The following HDGFL3 variants were observed in gnomAD, a reference collection of about 807,000 sequenced individuals.
HDGFL3 encodes hepatoma-derived growth factor-related protein 3.
In HDGFL3, 6 loss-of-function variants were observed where a neutral mutation model predicts 27.6. The ratio of observed to expected loss-of-function variants is 0.22; its 90% CI spans 0.12 to 0.43. HDGFL3 has a LOEUF of 0.43. HDGFL3 is among the 20% of genes least tolerant of loss of function. The pLI is 1.00. For synonymous variants in HDGFL3, 88 were observed against 88.9 expected (o/e 0.99, Z 0.05); for missense variants, 207 against 250.1 (o/e 0.83, Z 1.16).
At chr15:83,119,638 C>T in intron 3 of HDGFL3, 2 of 1,614,196 alleles carry the variant, frequency 1.2e-6, no homozygotes, top group South Asian at 1.1e-5. Context: ...TGGCTCTGCT[C>T]ATTATCTGAT....
intron 4 of HDGFL3, among the ~76,000 whole-genome samples, chr15:83,154,620 T>C (rs958939998): frequency 2.6e-5 from 4 of 152,148 alleles, no homozygotes; most frequent in African/African-American, 9.7e-5. Flanking sequence ...ATTTTTACTT[T>C]TTACAAGAAG....
chr15:83,163,835 T>C (rs1185340983), intron 2 of HDGFL3, 164 bp downstream of exon 2: 3 of 579,788 alleles, frequency 5.2e-6, no homozygotes, highest in African/African-American at 3.9e-5. Context: ...AAGACTTCTA[T>C]CATGAAAACT....
At chr15:83,172,242 GC>G (rs1305070252) in intron 1 of HDGFL3, among the ~76,000 whole-genome samples, 1 of 152,142 alleles carries the variant, frequency 6.6e-6, no homozygotes, top group Non-Finnish European at 1.5e-5. Context: ...GTTCTCTCTT[GC>G]CCTTCTGTCT....
chr15:83,158,862 A>G (rs917652764), intron 2 of HDGFL3, among the ~76,000 whole-genome samples: 1 of 151,728 alleles, frequency 6.6e-6, no homozygotes, highest in Admixed American at 6.6e-5. Context: ...TTTTTTTTTC[A>G]GATAGAGTTT....
chr15:83,157,533 C>A lies in HDGFL3; in HGVS notation c.341G>T (p.Gly114Val). Residue 114 changes from glycine to valine, a missense_variant, in exon 4 of 6, where the codon GGT becomes GTT. Gly to Val is a moderately radical substitution (Grantham distance 109). Coordinates refer to ENST00000299633, the MANE Select transcript of HDGFL3 (RefSeq NM_016073.4). ...ACTGCTTGCATCTGCAGTATTTCCA[C>A]CTTCTCCCTCAGTTTCTGAAGAGCT... ...QQSSSETEGEGGNTADASSEE... is the reference protein window; with the variant it reads ...QQSSSETEGEVGNTADASSEE... The A allele has an allele frequency of 6.2e-7, 1 of 1,613,968 alleles. No homozygotes were observed. The highest frequency in any genetic ancestry group is 8.5e-7 in the Non-Finnish European group (1 of 1,179,888).
intron 1 of HDGFL3, among the ~76,000 whole-genome samples, chr15:83,199,808 C>G (rs1455792295): frequency 6.6e-6 from 1 of 151,512 alleles, no homozygotes; most frequent in Non-Finnish European, 1.5e-5. Context: ...TTTGGGAGGC[C>G]GAGGCGGGTG....
chr15:83,144,365 C>T (rs937810897), intron 5 of HDGFL3, among the ~76,000 whole-genome samples: 4 of 152,154 alleles, frequency 2.6e-5, no homozygotes, highest in Non-Finnish European at 4.4e-5. Context: ...GTGTAATCAC[C>T]GCCCCTTTAG....
chr15:83,187,289 A>G (rs1012203593), intron 1 of HDGFL3, among the ~76,000 whole-genome samples: 1 of 151,704 alleles, frequency 6.6e-6, no homozygotes, highest in South Asian at 2.1e-4. Flanking sequence ...GCTTTTCTCC[A>G]TGTTCATATA....
Position 83,133,420 on chromosome 15 carries a change from C to G in HDGFL3, c.*5850G>C, listed in dbSNP as rs958390195. 6.6e-6 allele frequency: 1 copy of G among 152,166 alleles called. No individual in the cohort carries two copies. Among genetic ancestry groups the G allele is most frequent in the Admixed American group, 6.5e-5 (1 of 15,280 alleles). 9.4% of individuals were successfully genotyped at this position (152,166 alleles called of 1,614,324 possible). On this transcript the variant is annotated 3_prime_UTR_variant, in exon 6 of 6. Transcript: ENST00000299633. ...TCTCTATACATGTAAGAAAACAGCT[C>G]TTAAAATTTAACCTTTGTTCACCTT...
intron 1 of HDGFL3, among the ~76,000 whole-genome samples, chr15:83,174,181 G>A (rs1028171425): frequency 3.9e-5 from 6 of 152,022 alleles, no homozygotes; most frequent in African/African-American, 1.4e-4. Context: ...AAATTCCATG[G>A]TTTGTCTACA....
At chr15:83,188,263 T>A (rs2037470065) in intron 1 of HDGFL3, among the ~76,000 whole-genome samples, 1 of 152,190 alleles carries the variant, frequency 6.6e-6, no homozygotes, top group Non-Finnish European at 1.5e-5. Context: ...TATTTTTATT[T>A]AATTTTTTGA....
At chr15:83,155,923 TCA>T (rs1347116931) in intron 4 of HDGFL3, among the ~76,000 whole-genome samples, 1 of 152,222 alleles carries the variant, frequency 6.6e-6, no homozygotes, top group Non-Finnish European at 1.5e-5. Flanking sequence ...TTTCACAATC[TCA>T]GAGTTCTTTC....
chr15:83,193,868 T>C (rs1408846208), intron 1 of HDGFL3, among the ~76,000 whole-genome samples: 2 of 152,204 alleles, frequency 1.3e-5, no homozygotes, highest in East Asian at 3.8e-4. Context: ...TAGCCTATAG[T>C]GTAGCTGCAC....
downstream of HDGFL3, among the ~76,000 whole-genome samples, chr15:83,123,456 TTCTC>T (rs895567100): frequency 6.6e-6 from 1 of 152,184 alleles, no homozygotes; most frequent in South Asian, 2.1e-4. Flanking sequence ...CTAAGCTAGT[TTCTC>T]TCTGTTTCTT....
intron 1 of HDGFL3, among the ~76,000 whole-genome samples, chr15:83,201,399 T>C (rs572118065): frequency 2.8e-4 from 43 of 152,326 alleles, no homozygotes; most frequent in African/African-American, 1.0e-3. Context: ...ATGCTTTCAG[T>C]AGCACTGCAA....
rs981334210 is a variant in HDGFL3, at chr15:83,133,507, T to C, written c.*5763A>G. The C allele has an allele frequency of 2.0e-5, 3 of 152,248 alleles. No individual in the cohort carries two copies. Among genetic ancestry groups the C allele is most frequent in the Non-Finnish European group, 4.4e-5 (3 of 68,044 alleles). 9.4% of individuals were successfully genotyped at this position (152,248 alleles called of 1,614,324 possible). A position where few individuals can be genotyped will look rare whatever the true frequency, so the allele number is the denominator to read the frequency against. ...AAAAAAATCAGAGTATATCTCTTAA[T>C]TATTTCTGTAAGGTGAAAATGATTT... On this transcript the variant is annotated 3_prime_UTR_variant, in exon 6 of 6. Transcript: ENST00000299633.
At chr15:83,119,215 C>G (rs1943239025) in intron 3 of HDGFL3, among the ~76,000 whole-genome samples, 1 of 152,230 alleles carries the variant, frequency 6.6e-6, no homozygotes, top group Non-Finnish European at 1.5e-5. Flanking sequence ...TCCCTGGCCA[C>G]CTCTCTGGTC....
chr15:83,156,307 T>C (rs569126883), intron 4 of HDGFL3, among the ~76,000 whole-genome samples: 17 of 152,150 alleles, frequency 1.1e-4, no homozygotes, highest in Non-Finnish European at 2.4e-4. Flanking sequence ...AGGGGACCTA[T>C]TTTAGGTCCC....
At chr15:83,179,962 T>C (rs1480884889) in intron 1 of HDGFL3, 3 of 152,112 alleles carry the variant, frequency 2.0e-5, no homozygotes, top group Non-Finnish European at 4.4e-5. Context: ...AGGGAGAAAG[T>C]AAGGAGTGAA....
Sources: gnomAD v4.1 joint callset for allele counts (sites outside exome capture counted in the v4.1 genomes callset) on GRCh38, gnomAD v4.1.1 for gene constraint, MANE v1.5 for transcripts, NCBI Gene and HGNC (gene_info 2026-07-23, HGNC 2026-07-21) for gene names.